KCNT2: variants seen among roughly 807,000 people sequenced by gnomAD.
KCNT2 encodes potassium sodium-activated channel subfamily T member 2.
A neutral mutation model predicts 153.8 loss-of-function variants in KCNT2; 67 were observed. That is an observed-to-expected ratio of 0.44 (90% confidence interval 0.36 to 0.53). The LOEUF is 0.53. Ranked by LOEUF, KCNT2 falls within the 20% of genes least tolerant of loss-of-function variation. The probability of loss-of-function intolerance (pLI) is 0.00; values close to 1 mark genes in which losing one functional copy is unlikely to be tolerated. For synonymous variants in KCNT2, 500 were observed against 458.8 expected, an observed-to-expected ratio of 1.09 and a Z score of -1.15; for missense variants, 975 against 1,354.8, an observed-to-expected ratio of 0.72 and a Z score of 4.40.
chr1:196,453,417 T>C (rs1179277034), intron 8 of KCNT2, among the ~76,000 whole-genome samples: 2 of 151,968 alleles, frequency 1.3e-5, no homozygotes, highest in Admixed American at 1.3e-4. Context: ...GACAACTTCA[T>C]CATTTTACTT....
chr1:196,365,469 A>T (rs1029137274), intron 14 of KCNT2, among the ~76,000 whole-genome samples: 23 of 152,184 alleles, frequency 1.5e-4, no homozygotes, highest in African/African-American at 5.3e-4. Flanking sequence ...TAGGTATTTA[A>T]ATCACCTTTT....
intron 21 of KCNT2, among the ~76,000 whole-genome samples, chr1:196,314,997 C>T (rs1201031628): frequency 6.6e-6 from 1 of 151,640 alleles, no homozygotes; most frequent in Non-Finnish European, 1.5e-5. Context: ...AAATAGGCAA[C>T]TTAACACAGA....
intron 8 of KCNT2, among the ~76,000 whole-genome samples, chr1:196,442,898 G>A (rs1675366012): frequency 6.6e-6 from 1 of 151,668 alleles, no homozygotes; most frequent in Admixed American, 6.6e-5. Context: ...AGGTCATTTT[G>A]TTGTCATGAG....
At chr1:196,560,818 T>C (rs933560246) in intron 1 of KCNT2, among the ~76,000 whole-genome samples, 1 of 152,124 alleles carries the variant, frequency 6.6e-6, no homozygotes, top group Admixed American at 6.6e-5. Context: ...GGTTATTGTG[T>C]ATCTTTAAAA....
At chr1:196,595,129 G>A (rs1663888376) in intron 1 of KCNT2, among the ~76,000 whole-genome samples, 1 of 151,878 alleles carries the variant, frequency 6.6e-6, no homozygotes, top group African/African-American at 2.4e-5. Flanking sequence ...AATAAGATAG[G>A]ATGAAACTGT....
At chr1:196,533,874 A>G (rs139771129) in intron 1 of KCNT2, among the ~76,000 whole-genome samples, 16 of 152,282 alleles carry the variant, frequency 1.1e-4, no homozygotes, top group Non-Finnish European at 2.4e-4. Context: ...ATGACACTAA[A>G]GAATGGGTAT....
chr1:196,297,171 G>T (rs779453884), intron 22 of KCNT2, among the ~76,000 whole-genome samples: 2 of 151,560 alleles, frequency 1.3e-5, no homozygotes, highest in African/African-American at 4.8e-5. Context: ...TTTATGAAAA[G>T]ACAATTGTTG....
chr1:196,572,293 C>G (rs1660871663), intron 1 of KCNT2, among the ~76,000 whole-genome samples: 1 of 152,048 alleles, frequency 6.6e-6, no homozygotes, highest in South Asian at 2.1e-4. Flanking sequence ...GCATAAGATC[C>G]TCCAGCTCAA....
chr1:196,596,054 GTGTATATATATATATATATA>G lies in KCNT2; in HGVS notation c.95+12141_95+12160del, dbSNP rs1329843011. On this transcript the variant is annotated intron_variant, in intron 1 of 27. Transcript: ENST00000294725. ...TTATGGCTGAGTTGTATTCCATGAT[GTGTATATATATATATATATA>G]TATATATATATATATATATATATAT... Among the ~76,000 whole-genome samples, 121 of 138,552 alleles carry G rather than the reference GTGTATATATATATATATATA, an allele frequency of 8.7e-4. 4 individuals carry two copies. The highest frequency in any genetic ancestry group is 5.7e-3 in the East Asian group (29 of 5,060). 90.9% of individuals were successfully genotyped at this position (138,552 alleles called of 152,430 possible). A position where few individuals can be genotyped will look rare whatever the true frequency, so the allele number is the denominator to read the frequency against.
chr1:196,397,674 C>A (rs1316916357), intron 13 of KCNT2, among the ~76,000 whole-genome samples: 1 of 151,424 alleles, frequency 6.6e-6, no homozygotes, highest in African/African-American at 2.4e-5. Context: ...GCAACCATTT[C>A]ATAATTTTCT....
chr1:196,484,500 C>A (rs1679261552), intron 3 of KCNT2, among the ~76,000 whole-genome samples: 1 of 151,994 alleles, frequency 6.6e-6, no homozygotes, highest in African/African-American at 2.4e-5. Flanking sequence ...ATTATAGTTT[C>A]TTTTGATGTG....
intron 1 of KCNT2, among the ~76,000 whole-genome samples, chr1:196,554,924 A>T (rs947403077): frequency 6.6e-6 from 1 of 151,352 alleles, no homozygotes; most frequent in African/African-American, 2.4e-5. Flanking sequence ...GTAGCACTGG[A>T]TAAAGTTCAA....
chr1:196,243,531 C>T (rs992595019), intron 26 of KCNT2, among the ~76,000 whole-genome samples: 1 of 152,092 alleles, frequency 6.6e-6, no homozygotes, highest in Non-Finnish European at 1.5e-5. Flanking sequence ...TCTGTGCACT[C>T]GGGGAATGGA....
intron 1 of KCNT2, among the ~76,000 whole-genome samples, chr1:196,593,125 C>G (rs1663588820): frequency 6.6e-6 from 1 of 150,758 alleles, no homozygotes; most frequent in African/African-American, 2.4e-5. Flanking sequence ...ATTCTTATGC[C>G]TTTGCATCCT....
At chr1:196,315,768 A>C (rs1662650943) in intron 21 of KCNT2, 124 bp downstream of exon 21, 3 of 849,164 alleles carry the variant, frequency 3.5e-6, no homozygotes. Context: ...ACTTTATGAA[A>C]AAAATGAATA....
intron 21 of KCNT2, among the ~76,000 whole-genome samples, chr1:196,309,442 C>A (rs1293611444): frequency 6.6e-6 from 1 of 151,716 alleles, no homozygotes; most frequent in Non-Finnish European, 1.5e-5. Context: ...GTGACCCAGT[C>A]CTTGTATTTG....
chr1:196,357,605 T>C (rs954524419), intron 14 of KCNT2, among the ~76,000 whole-genome samples: 1 of 151,746 alleles, frequency 6.6e-6, no homozygotes, highest in Non-Finnish European at 1.5e-5. Flanking sequence ...GATACAAATA[T>C]AGGTGTTTGT....
intron 1 of KCNT2, among the ~76,000 whole-genome samples, chr1:196,526,640 A>G (rs1195786481): frequency 6.6e-6 from 1 of 151,962 alleles, no homozygotes; most frequent in Non-Finnish European, 1.5e-5. Flanking sequence ...TTTAGTAGAG[A>G]TGGGGTTTCA....
chr1:196,338,505 C>T (rs552193855), intron 16 of KCNT2, among the ~76,000 whole-genome samples: 1 of 151,996 alleles, frequency 6.6e-6, no homozygotes, highest in African/African-American at 2.4e-5. Flanking sequence ...CTGGAACATT[C>T]CTAAGAAAAC....
Sources: allele counts gnomAD v4.1 joint callset (sites outside exome capture counted in the v4.1 genomes callset), GRCh38; gene constraint gnomAD v4.1.1; transcripts MANE v1.5; gene names NCBI Gene and HGNC (gene_info 2026-07-23, HGNC 2026-07-21).